Variants in ESRRG observed in about 807,000 individuals in gnomAD.
The protein encoded by ESRRG is estrogen-related receptor gamma.
ESRRG carries 13 observed loss-of-function variants against 44.0 expected under a neutral mutation model. The ratio of observed to expected loss-of-function variants is 0.30; its 90% CI spans 0.19 to 0.47. The LOEUF (loss-of-function observed/expected upper bound fraction) is 0.47, where lower values mean the gene tolerates loss of function less well. Ranked by LOEUF, ESRRG falls within the 20% of genes least tolerant of loss-of-function variation. The pLI, the probability that ESRRG is intolerant of heterozygous loss-of-function variation, is 1.00. For synonymous variants in ESRRG, 215 were observed against 214.6 expected (o/e 1.00, Z -0.02); for missense variants, 395 against 580.6 (o/e 0.68, Z 3.29).
intron 3 of ESRRG, among the ~76,000 whole-genome samples, chr1:216,568,405 T>C (rs1344589139): frequency 6.6e-6 from 1 of 152,188 alleles, no homozygotes; most frequent in Non-Finnish European, 1.5e-5. Flanking sequence ...TATTTGGTGC[T>C]AGTATAGTTT....
chr1:216,546,811 T>TTATA (rs10535177), intron 5 of ESRRG, among the ~76,000 whole-genome samples: 7 of 149,424 alleles, frequency 4.7e-5, no homozygotes, highest in South Asian at 2.1e-4. Context: ...TGCTATCTCT[T>TTATA]TATATATATA....
intron 2 of ESRRG, among the ~76,000 whole-genome samples, chr1:216,672,935 T>C (rs192344224): frequency 2.6e-5 from 4 of 152,266 alleles, no homozygotes; most frequent in East Asian, 3.9e-4. Context: ...AAAATGCCTA[T>C]GGATGCACAC....
chr1:217,089,972 G>A (rs1245031811), upstream of ESRRG, among the ~76,000 whole-genome samples: 1 of 152,208 alleles, frequency 6.6e-6, no homozygotes, highest in Non-Finnish European at 1.5e-5. Context: ...GGGTGGTTAC[G>A]TGGTATGTGC....
At chr1:216,766,077 C>A (rs1470734495) in intron 2 of ESRRG, among the ~76,000 whole-genome samples, 1 of 152,096 alleles carries the variant, frequency 6.6e-6, no homozygotes, top group East Asian at 1.9e-4. Context: ...GTAAAGTGAA[C>A]CTGTCGGGTT....
chr1:216,601,040 G>T (rs2059155255), intron 3 of ESRRG, among the ~76,000 whole-genome samples: 1 of 152,340 alleles, frequency 6.6e-6, no homozygotes, highest in East Asian at 1.9e-4. Context: ...GGCTCCCGTG[G>T]GTTGCTGAGG....
intron 1 of ESRRG, among the ~76,000 whole-genome samples, chr1:217,063,639 GA>G (rs2089030193): frequency 6.6e-6 from 1 of 152,152 alleles, no homozygotes; most frequent in Non-Finnish European, 1.5e-5. Flanking sequence ...AAACTCTCTA[GA>G]TTAAGCTATC....
At chr1:216,634,294 C>T (rs888915219) in intron 3 of ESRRG, among the ~76,000 whole-genome samples, 8 of 152,050 alleles carry the variant, frequency 5.3e-5, no homozygotes, top group Admixed American at 5.2e-4. Flanking sequence ...ATTAAAGATC[C>T]CTTTAATTAG....
intron 2 of ESRRG, among the ~76,000 whole-genome samples, chr1:216,925,418 C>G (rs1354613697): frequency 6.6e-6 from 1 of 152,118 alleles, no homozygotes; most frequent in Non-Finnish European, 1.5e-5. Context: ...GCCTGGGGGA[C>G]AGAGCGAGAC....
At chr1:216,912,236 G>A (rs1268303871) in intron 2 of ESRRG, among the ~76,000 whole-genome samples, 2 of 59,654 alleles carry the variant, frequency 3.4e-5, no homozygotes, top group African/African-American at 1.2e-4. Context: ...GAGAGGAGAG[G>A]AGAGGAGAGG....
At chr1:216,919,111 A>G (rs1187609019) in intron 2 of ESRRG, among the ~76,000 whole-genome samples, 1 of 152,098 alleles carries the variant, frequency 6.6e-6, no homozygotes, top group Non-Finnish European at 1.5e-5. Context: ...TAATGTTTCC[A>G]TTTCAGAGTA....
intron 1 of ESRRG, among the ~76,000 whole-genome samples, chr1:217,088,858 C>T (rs571545670): frequency 6.6e-6 from 1 of 152,014 alleles, no homozygotes; most frequent in Admixed American, 6.6e-5. Flanking sequence ...CCTGCAGAGG[C>T]TCTAACAGAC....
Position 216,998,272 on chromosome 1 carries a change from T to C in ESRRG, c.-105-58599A>G, listed in dbSNP as rs138559430. ...TTTTATCTGAAAATAGATATTAACA[T>C]TGTCTATGATTCTCTACTTCTTAAA... On this transcript the variant is annotated intron_variant, in intron 1 of 7. Coordinates refer to the ESRRG transcript ENST00000359162. Among the ~76,000 whole-genome samples the C allele has an allele frequency of 1.6e-4, 24 of 152,310 alleles. 1 individual carries two copies. Among genetic ancestry groups the C allele is most frequent in the African/African-American group, 5.3e-4 (22 of 41,588 alleles).
At chr1:216,584,076 T>G (rs2063296416) in intron 3 of ESRRG, among the ~76,000 whole-genome samples, 1 of 152,086 alleles carries the variant, frequency 6.6e-6, no homozygotes, top group African/African-American at 2.4e-5. Flanking sequence ...AATATATGCT[T>G]TGACATGAAA....
At chr1:216,698,451 G>A (rs867006846) in intron 1 of ESRRG, among the ~76,000 whole-genome samples, 1 of 149,786 alleles carries the variant, frequency 6.7e-6, no homozygotes, top group Non-Finnish European at 1.5e-5. Context: ...CCCGGGAGGC[G>A]GAGCTTGCAG....
At chr1:216,853,724 A>T (rs1274660788) in intron 2 of ESRRG, among the ~76,000 whole-genome samples, 3 of 152,160 alleles carry the variant, frequency 2.0e-5, no homozygotes, top group Admixed American at 2.0e-4. Flanking sequence ...TAAAGCATTC[A>T]TTTCTGCAAA....
chr1:217,066,568 A>T (rs1330889855), intron 1 of ESRRG, among the ~76,000 whole-genome samples: 1 of 152,154 alleles, frequency 6.6e-6, no homozygotes, highest in East Asian at 1.9e-4. Flanking sequence ...TAATCATGAA[A>T]GCAGCCATTT....
At chr1:216,724,255 G>T (rs568650684), upstream of ESRRG, among the ~76,000 whole-genome samples, 3 of 152,006 alleles carry the variant, frequency 2.0e-5, no homozygotes, top group African/African-American at 7.2e-5. Flanking sequence ...GTAAACAGCC[G>T]CAGGACAAAT....
intron 2 of ESRRG, among the ~76,000 whole-genome samples, chr1:216,775,551 C>T (rs1388418415): frequency 1.9e-4 from 14 of 74,830 alleles, no homozygotes; most frequent in Non-Finnish European, 2.8e-4. Context: ...AATGTCACAT[C>T]TTTTTTTTTT....
rs531752816 is a variant in ESRRG, at chr1:216,601,341, C to G, written c.590-33243G>C. On this transcript the variant is annotated intron_variant, in intron 3 of 6. Transcript: ENST00000408911. ...CACCGCGGAGGGCGCTGCGCGCGTC[C>G]GGAGCCGACGCCGGGCTTCAAACAG... Among the ~76,000 whole-genome samples the G allele has an allele frequency of 1.1e-3, 172 of 152,198 alleles. 1 individual carries two copies. The highest frequency in any genetic ancestry group is 3.9e-3 in the African/African-American group (162 of 41,556).
Sources: allele counts gnomAD v4.1 joint callset (sites outside exome capture counted in the v4.1 genomes callset), GRCh38; gene constraint gnomAD v4.1.1; transcripts MANE v1.5; gene names NCBI Gene and HGNC (gene_info 2026-07-23, HGNC 2026-07-21).